Variants in TENM3 observed in about 807,000 individuals in gnomAD.
TENM3 encodes teneurin-3.
TENM3 carries 63 observed loss-of-function variants against 255.1 expected under a neutral mutation model. That is an observed-to-expected ratio of 0.25 (90% confidence interval 0.20 to 0.30). The LOEUF (loss-of-function observed/expected upper bound fraction) is 0.30. Ranked by LOEUF, TENM3 falls within the 10% of genes least tolerant of loss-of-function variation. The pLI is 1.00. For missense variants in TENM3, 2,929 were observed against 3,461.1 expected (o/e 0.85, Z 3.86); for synonymous variants, 1,306 against 1,322.3 (o/e 0.99, Z 0.27).
In TENM3 at chr4:182,600,968, C is replaced by T. The variant is rs1747784438; in HGVS notation, c.556C>T (p.Pro186Ser). 4 of 1,608,334 alleles carry T rather than the reference C, an allele frequency of 2.5e-6. No individual in the cohort carries two copies. Among genetic ancestry groups the T allele is most frequent in the South Asian group, 1.1e-5 (1 of 90,842 alleles). Residue 186 changes from proline to serine, a missense_variant, in exon 4 of 28, where the codon CCG becomes TCG. Physicochemically the swap from Pro to Ser is moderately conservative, Grantham distance 74. This residue lies in a region of TENM3 where 283 missense variants were observed against 256.9 expected (regional missense o/e 1.10). Transcript: ENST00000511685. ...AGGCCAGTCTACCCTGCAGCCCTTG[C>T]CGCCTTCCCATAAGCAGCACTCTGC... ...NQGQSTLQPL[P>S]PSHKQHSAQH...
chr4:182,202,035 C>T (rs1487780603), intron 1 of TENM3, among the ~76,000 whole-genome samples: 1 of 152,138 alleles, frequency 6.6e-6, no homozygotes, highest in African/African-American at 2.4e-5. Context: ...AACAAAAACC[C>T]TTGGTATGTG....
chr4:182,224,651 T>C (rs1756034467), intron 1 of TENM3, among the ~76,000 whole-genome samples: 1 of 152,030 alleles, frequency 6.6e-6, no homozygotes, highest in Non-Finnish European at 1.5e-5. Flanking sequence ...CAGCCCATAA[T>C]AGGCCCTGTC....
At chr4:182,398,121 G>T (rs944035843) in intron 3 of TENM3, among the ~76,000 whole-genome samples, 1 of 152,194 alleles carries the variant, frequency 6.6e-6, no homozygotes, top group African/African-American at 2.4e-5. Context: ...TGTCTCAGGA[G>T]CAGGGCAGAA....
intron 3 of TENM3, among the ~76,000 whole-genome samples, chr4:182,452,964 C>G (rs889982306): frequency 5.3e-5 from 8 of 151,656 alleles, no homozygotes; most frequent in African/African-American, 1.9e-4. Context: ...CTGATATGTC[C>G]GAGTTTGGTT....
At chr4:181,968,795 T>A in the TENM3 span, among the ~76,000 whole-genome samples, 1 of 152,180 alleles carries the variant, frequency 6.6e-6, no homozygotes, top group African/African-American at 2.4e-5. Flanking sequence ...TGCAAAAAAA[T>A]TCTGTTCACA....
chr4:181,595,725 C>T, the TENM3 span, among the ~76,000 whole-genome samples: 2 of 152,148 alleles, frequency 1.3e-5, no homozygotes, highest in East Asian at 3.9e-4. Flanking sequence ...TTTCTCTTCT[C>T]TCACCAAAAT....
At position 182,681,793 on chromosome 4, in the gene TENM3, T is replaced by C. The variant is rs779053854; in HGVS notation, c.1835-21T>C. 3 of 1,574,030 alleles carry C rather than the reference T, an allele frequency of 1.9e-6. No homozygotes were observed. In the South Asian group the frequency reaches 3.4e-5, roughly 18 times the overall value. On this transcript the variant is annotated intron_variant, in intron 10 of 27. Transcript: ENST00000511685. Reference sequence around the variant, plus strand: ...ATGATATCTTCTGGATTTAATAAAATTGTTCTTTTCTTTACACCAGCTGAC... The same window carrying C: ...ATGATATCTTCTGGATTTAATAAAACTGTTCTTTTCTTTACACCAGCTGAC...
chr4:182,247,108 G>A (rs113068955), intron 1 of TENM3, among the ~76,000 whole-genome samples: 13 of 152,306 alleles, frequency 8.5e-5, no homozygotes, highest in African/African-American at 3.1e-4. Flanking sequence ...AAAAATATGA[G>A]TCGAGCTAGA....
intron 4 of TENM3, among the ~76,000 whole-genome samples, chr4:182,624,669 A>G (rs1048618297): frequency 3.9e-5 from 6 of 151,986 alleles, no homozygotes; most frequent in Admixed American, 2.0e-4. Context: ...AGTCCACTCT[A>G]TTTCACTCAG....
chr4:182,775,135 C>A lies in TENM3; in HGVS notation c.5286C>A (p.Val1762=), dbSNP rs745563653. The A allele has an allele frequency of 1.2e-6, 2 of 1,614,006 alleles. No homozygotes were observed. The highest frequency in any genetic ancestry group is 4.5e-5 in the East Asian group (2 of 44,874). Reference sequence around the variant, plus strand: ...AGCAAGCCCAAGGGAAAGTCAATGTCTTTGGCCGCAAGCTCAGGGTACGTA... The same window carrying A: ...AGCAAGCCCAAGGGAAAGTCAATGTATTTGGCCGCAAGCTCAGGGTACGTA... ...RKEQAQGKVN[V]FGRKLRVNGR... The change falls in exon 24 of 28, where the codon GTC becomes GTA. Residue 1762 remains valine, a synonymous_variant. Coordinates refer to ENST00000511685, the MANE Select transcript of TENM3 (RefSeq NM_001080477.4).
rs141390642 is a variant in TENM3 at position 182,407,771 on chromosome 4, A to G, written c.511+60842A>G. Among the ~76,000 whole-genome samples the G allele has an allele frequency of 9.8e-3, 1,493 of 152,320 alleles. 27 individuals carry two copies. Among genetic ancestry groups the G allele is most frequent in the Non-Finnish European group, 0.011 (751 of 68,026 alleles). ...TTTAAAAAAGACATCCCAATGAATC[A>G]TTAGCCAAAGACCTGCTTTTCCATA... On this transcript the variant is annotated intron_variant, in intron 3 of 27. Transcript: ENST00000511685.
intron 1 of TENM3, among the ~76,000 whole-genome samples, chr4:182,161,722 TATATATATATACACAA>T: frequency 0.012 from 1 of 84 alleles, no homozygotes; most frequent in African/African-American, 0.022. Context: ...TATATATGTG[TATATATATATACACAA>T]ATATATGTGT....
intron 1 of TENM3, among the ~76,000 whole-genome samples, chr4:182,258,583 A>G (rs1416669439): frequency 6.6e-6 from 1 of 152,210 alleles, no homozygotes; most frequent in Admixed American, 6.5e-5. Flanking sequence ...TTGCAATTCA[A>G]AGAACAGGTA....
At chr4:181,514,824 G>A in the TENM3 span, among the ~76,000 whole-genome samples, 30,803 of 152,200 alleles carry the variant, frequency 0.2, 4,034 homozygotes, top group Non-Finnish European at 0.3. Flanking sequence ...GTAGCCACTC[G>A]GGAGGGCTGA....
At chr4:182,410,468 A>C (rs1769908064) in intron 3 of TENM3, among the ~76,000 whole-genome samples, 1 of 152,172 alleles carries the variant, frequency 6.6e-6, no homozygotes, top group African/African-American at 2.4e-5. Flanking sequence ...GGCTCACAGT[A>C]TTTCTCTTTG....
At chr4:181,955,940 C>T in the TENM3 span, among the ~76,000 whole-genome samples, 2 of 152,174 alleles carry the variant, frequency 1.3e-5, no homozygotes, top group African/African-American at 2.4e-5. Context: ...GTTGGTATTA[C>T]ATGTCAAGAC....
chr4:181,694,829 C>A, the TENM3 span, among the ~76,000 whole-genome samples: 2 of 152,160 alleles, frequency 1.3e-5, no homozygotes, highest in African/African-American at 2.4e-5. Context: ...TTATCACTGG[C>A]TGTTTTGTGA....
At chr4:181,616,281 CAAA>C in the TENM3 span, among the ~76,000 whole-genome samples, 3,262 of 84,102 alleles carry the variant, frequency 0.039, 110 homozygotes, top group African/African-American at 0.12. Context: ...TAAAGGTTTC[CAAA>C]AAAAAAAAAA....
Position 182,611,001 on chromosome 4 carries a change from C to T in TENM3, c.749+9840C>T, listed in dbSNP as rs546651102. ...GGCTCATGTGATGCTCTCACCTCAG[C>T]CTCCCAAATTGTTGTGATTATAGGC... On this transcript the variant is annotated intron_variant, in intron 4 of 27. Coordinates refer to ENST00000511685, the MANE Select transcript of TENM3 (RefSeq NM_001080477.4). 2.2e-3 allele frequency among the ~76,000 whole-genome samples: 338 copies of T among 151,814 alleles called. 3 individuals are homozygous for T. Among genetic ancestry groups the T allele is most frequent in the African/African-American group, 7.9e-3 (327 of 41,380 alleles).
Sources: gnomAD v4.1 joint callset for allele counts (sites outside exome capture counted in the v4.1 genomes callset) on GRCh38, gnomAD v4.1.1 for gene constraint, gnomAD v4.1.1 regional missense constraint, MANE v1.5 for transcripts, NCBI Gene and HGNC (gene_info 2026-07-23, HGNC 2026-07-21) for gene names.